PTPRN2: variants seen among roughly 807,000 people sequenced by gnomAD.
PTPRN2 encodes the protein protein tyrosine phosphatase receptor type N2.
Under a neutral mutation model 118.8 loss-of-function variants are expected in PTPRN2, and 74 were observed. The ratio of observed to expected loss-of-function variants is 0.62; its 90% confidence interval spans 0.52 to 0.76. The LOEUF is 0.76. Among genes scored for constraint, PTPRN2 ranks in the 30% least tolerant of loss-of-function variants. PTPRN2 has a pLI of 0.00. For missense variants in PTPRN2, 1,481 were observed against 1,394.4 expected, an observed-to-expected ratio of 1.06 and a Z score of -0.99; for synonymous variants, 641 against 608.0, an observed-to-expected ratio of 1.05 and a Z score of -0.80.
At chr7:158,279,995 C>G (rs923134903) in intron 3 of PTPRN2, among the ~76,000 whole-genome samples, 1 of 151,644 alleles carries the variant, frequency 6.6e-6, no homozygotes, top group Non-Finnish European at 1.5e-5. Flanking sequence ...ACGGCCCCCA[C>G]GCCCCACCGC....
chr7:157,791,213 A>C (rs1377205296), intron 12 of PTPRN2, among the ~76,000 whole-genome samples: 1 of 152,244 alleles, frequency 6.6e-6, no homozygotes, highest in African/African-American at 2.4e-5. Flanking sequence ...GTGACTAAGA[A>C]GAATGAGATA....
rs572331700 is a variant in PTPRN2, at chr7:158,107,871, C to T, written c.1643+2958G>A. Among the ~76,000 whole-genome samples, 5 of 147,750 alleles carry T rather than the reference C, an allele frequency of 3.4e-5. No homozygotes were observed. The South Asian group carries it at 1.1e-3, about 32-fold the overall frequency. On this transcript the variant is annotated intron_variant, in intron 10 of 22. Transcript: ENST00000389418. The stretch of plus-strand genomic sequence containing the variant: ...ACCTGCCCCCTCTCACACATGGATC[C>T]CTGCACACCGTCTGCCCACAGCAGG...
intron 11 of PTPRN2, among the ~76,000 whole-genome samples, chr7:158,055,208 C>T (rs538173985): frequency 6.6e-6 from 1 of 152,250 alleles, no homozygotes; most frequent in African/African-American, 2.4e-5. Flanking sequence ...CCAGGCCATA[C>T]AGAGATAGTA....
rs10249726 is a variant in PTPRN2, at chr7:158,330,920, C to A, written c.164-13988G>T. Among the ~76,000 whole-genome samples, 16 of 111,564 alleles carry A rather than the reference C, an allele frequency of 1.4e-4. 1 individual carries two copies. The highest frequency in any genetic ancestry group is 5.3e-4 in the African/African-American group (16 of 30,310). The allele number at this position is 111,564 out of a possible 152,430, so 73.2% of individuals were successfully genotyped here. On this transcript the variant is annotated intron_variant, in intron 2 of 22. Transcript: ENST00000389418. ...CATAAGAGCTGACACCTGCAGACGT[C>A]ACTCACACCCACACTCTCACGATAA...
intron 16 of PTPRN2, among the ~76,000 whole-genome samples, chr7:157,597,805 A>G (rs573421165): frequency 2.0e-5 from 3 of 152,254 alleles, no homozygotes; most frequent in African/African-American, 4.8e-5. Flanking sequence ...CCTCCCGCCC[A>G]CCTGCCGTCC....
chr7:157,800,933 CAGAG>C (rs1169163157), intron 12 of PTPRN2, among the ~76,000 whole-genome samples: 5 of 151,308 alleles, frequency 3.3e-5, no homozygotes, highest in Admixed American at 2.0e-4. Flanking sequence ...GCCTGGGCAA[CAGAG>C]AGAGACTCCG....
intron 12 of PTPRN2, among the ~76,000 whole-genome samples, chr7:157,879,154 GT>G (rs1210853522): frequency 6.8e-6 from 1 of 146,502 alleles, no homozygotes; most frequent in African/African-American, 2.6e-5. Context: ...GGCTGGACGG[GT>G]CAGTGTGATA....
chr7:157,692,999 C>A (rs1797589024), intron 12 of PTPRN2, among the ~76,000 whole-genome samples: 1 of 151,956 alleles, frequency 6.6e-6, no homozygotes, highest in South Asian at 2.1e-4. Context: ...GGTGCCTCGG[C>A]GTCCCCAGCC....
intron 2 of PTPRN2, among the ~76,000 whole-genome samples, chr7:158,338,643 A>G (rs200704032): frequency 0.27 from 6,554 of 24,586 alleles, 779 homozygotes; most frequent in Middle Eastern, 0.4. Context: ...CTCACCATAA[A>G]AGCTGATGCC....
chr7:157,876,653 C>T (rs1003456111), intron 12 of PTPRN2, among the ~76,000 whole-genome samples: 1 of 152,200 alleles, frequency 6.6e-6, no homozygotes, highest in African/African-American at 2.4e-5. Flanking sequence ...ACCAGCGCCC[C>T]CACGTGGGGC....
intron 12 of PTPRN2, among the ~76,000 whole-genome samples, chr7:157,896,568 C>G (rs548145135): frequency 5.2e-4 from 70 of 134,564 alleles, no homozygotes; most frequent in African/African-American, 1.9e-3. Flanking sequence ...CCCATGCTCA[C>G]GTGTGCGTGG....
At chr7:158,474,153 T>C (rs930179262) in intron 2 of PTPRN2, among the ~76,000 whole-genome samples, 12 of 152,172 alleles carry the variant, frequency 7.9e-5, no homozygotes, top group African/African-American at 2.7e-4. Context: ...CCCTCACAGC[T>C]GGTCATCAGC....
intron 11 of PTPRN2, among the ~76,000 whole-genome samples, chr7:157,904,648 G>C (rs534130697): frequency 6.6e-6 from 1 of 152,264 alleles, no homozygotes; most frequent in East Asian, 1.9e-4. Flanking sequence ...TGTGGAACGA[G>C]CCAGTGTCTG....
intron 13 of PTPRN2, among the ~76,000 whole-genome samples, chr7:157,667,888 T>C (rs1246470099): frequency 6.6e-6 from 1 of 152,250 alleles, no homozygotes; most frequent in Non-Finnish European, 1.5e-5. Flanking sequence ...CAACTGGAAC[T>C]GTGAGTGTGA....
rs139728816 is a variant in PTPRN2 at position 158,144,843 on chromosome 7, G to T, written c.911-6328C>A. On this transcript the variant is annotated intron_variant, in intron 6 of 22. Coordinates refer to ENST00000389418, the MANE Select transcript of PTPRN2 (RefSeq NM_002847.5). ...GGTGTGTCGACCCACCCTGAACTTT[G>T]CAAAATGATGCTTATTCCCCTCTCA... Among the ~76,000 whole-genome samples, 248 of 152,308 alleles carry T rather than the reference G, an allele frequency of 1.6e-3. 6 individuals carry two copies. In the East Asian group the frequency reaches 0.041, roughly 25 times the overall value.
At chr7:158,365,191 T>C (rs1427444523) in intron 2 of PTPRN2, among the ~76,000 whole-genome samples, 2 of 152,194 alleles carry the variant, frequency 1.3e-5, no homozygotes, top group Non-Finnish European at 2.9e-5. Context: ...TGGGAAACCG[T>C]CCTTGCGAGC....
intron 2 of PTPRN2, among the ~76,000 whole-genome samples, chr7:158,379,278 G>A (rs1810779217): frequency 6.6e-6 from 1 of 152,186 alleles, no homozygotes; most frequent in Admixed American, 6.5e-5. Context: ...GAGGACCGGG[G>A]TAGGGAATAC....
intron 12 of PTPRN2, among the ~76,000 whole-genome samples, chr7:157,709,196 C>T (rs1027728561): frequency 3.3e-5 from 5 of 152,198 alleles, no homozygotes; most frequent in East Asian, 1.9e-4. Flanking sequence ...TCACACAGAG[C>T]GGCCCTGCTG....
At chr7:158,527,184 C>G (rs1824843335) in intron 1 of PTPRN2, among the ~76,000 whole-genome samples, 1 of 152,088 alleles carries the variant, frequency 6.6e-6, no homozygotes, top group African/African-American at 2.4e-5. Flanking sequence ...CAGCTGTGTC[C>G]TTCCCGCACC....
Sources: allele counts gnomAD v4.1 joint callset (sites outside exome capture counted in the v4.1 genomes callset), GRCh38; gene constraint gnomAD v4.1.1; transcripts MANE v1.5; gene names NCBI Gene and HGNC (gene_info 2026-07-23, HGNC 2026-07-21).